The following TMC5 variants were observed in gnomAD, a reference collection of about 807,000 sequenced individuals.
TMC5 encodes transmembrane channel-like protein 5.
TMC5 carries 86 observed loss-of-function variants against 110.5 expected under a neutral mutation model. That is an observed-to-expected ratio of 0.78 (90% CI 0.65 to 0.93). TMC5 has a LOEUF of 0.93. Among genes scored for constraint, TMC5 ranks in the 40% least tolerant of loss-of-function variants. TMC5 has a pLI of 0.00. For missense variants in TMC5, 1,144 were observed against 1,222.8 expected (o/e 0.94, Z 0.96); for synonymous variants, 455 against 439.5 (o/e 1.04, Z -0.44).
chr16:19,422,621 C>T (rs1329326179), intron 1 of TMC5, among the ~76,000 whole-genome samples: 2 of 152,042 alleles, frequency 1.3e-5, no homozygotes, highest in African/African-American at 4.8e-5. Flanking sequence ...CTCTTGAGCC[C>T]AGGCATTAGA....
intron 5 of TMC5, among the ~76,000 whole-genome samples, chr16:19,453,225 A>G (rs1326768438): frequency 6.6e-6 from 1 of 151,996 alleles, no homozygotes; most frequent in Non-Finnish European, 1.5e-5. Context: ...AGGCTGAGGC[A>G]GGTAGATCAC....
rs62026170 is a variant in TMC5 at position 19,447,140 on chromosome 16, C to A, written c.959-2402C>A. Reference sequence around the variant, plus strand: ...ACAATAAACAAGCATTTTCTTCTTACGGGTCTGCAAGGTTGGTTGGCATTT... The same window carrying A: ...ACAATAAACAAGCATTTTCTTCTTAAGGGTCTGCAAGGTTGGTTGGCATTT... On this transcript the variant is annotated intron_variant, in intron 4 of 21. Coordinates refer to ENST00000542583, the MANE Select transcript of TMC5 (RefSeq NM_001261841.2). Among the ~76,000 whole-genome samples, 6 of 152,126 alleles carry A rather than the reference C, an allele frequency of 3.9e-5. No individual in the cohort carries two copies. The East Asian group carries it at 1.2e-3, about 29-fold the overall frequency.
At chr16:19,485,082 A>T (rs1391702686) in intron 15 of TMC5, among the ~76,000 whole-genome samples, 3 of 147,964 alleles carry the variant, frequency 2.0e-5, no homozygotes, top group Non-Finnish European at 3.0e-5. Context: ...CACCTGTACC[A>T]TTATCTACTT....
intron 15 of TMC5, among the ~76,000 whole-genome samples, chr16:19,484,082 CAAAAA>C (rs758360425): frequency 1.4e-4 from 10 of 70,792 alleles, no homozygotes; most frequent in Non-Finnish European, 2.6e-4. Context: ...AACTCTGTCT[CAAAAA>C]AAAAAAAAAA....
In TMC5 at chr16:19,462,862, C is replaced by T. The variant is rs151156333; in HGVS notation, c.1149-418C>T. ...GCAGTGAGCCGCCATCAGGCCACTG[C>T]ACTCCAGCCTGGGTGACAGAGTGAG... On this transcript the variant is annotated intron_variant, in intron 6 of 21. Coordinates refer to ENST00000542583, the MANE Select transcript of TMC5 (RefSeq NM_001261841.2). Among the ~76,000 whole-genome samples, 919 of 149,428 alleles carry T rather than the reference C, an allele frequency of 6.2e-3. 13 individuals carry two copies. Among genetic ancestry groups the T allele is most frequent in the African/African-American group, 0.022 (878 of 40,480 alleles).
At chr16:19,447,705 T>C (rs7498215) in intron 4 of TMC5, among the ~76,000 whole-genome samples, 91,072 of 151,674 alleles carry the variant, frequency 0.6, 29,078 homozygotes, top group Middle Eastern at 0.71. Context: ...GGCACACTAC[T>C]ACCATGCCCA....
chr16:19,424,758 G>C (rs1207109639), intron 1 of TMC5, among the ~76,000 whole-genome samples: 4 of 152,238 alleles, frequency 2.6e-5, no homozygotes, highest in African/African-American at 9.6e-5. Flanking sequence ...CAGTGAGTTG[G>C]GGTGTGTCAC....
chr16:19,455,011 T>C (rs182023644), intron 5 of TMC5, among the ~76,000 whole-genome samples: 3 of 151,862 alleles, frequency 2.0e-5, no homozygotes, highest in Non-Finnish European at 4.4e-5. Flanking sequence ...GTGGTGCCCC[T>C]GTGGTCCCAG....
intron 4 of TMC5, among the ~76,000 whole-genome samples, chr16:19,448,530 G>A (rs1967670073): frequency 6.6e-6 from 1 of 151,444 alleles, no homozygotes; most frequent in South Asian, 2.1e-4. Flanking sequence ...GAGATGGAAG[G>A]ATTGCTTGAG....
rs373623775 is a variant in TMC5 at position 19,442,861 on chromosome 16, G to A, written c.789-1220G>A. Among the ~76,000 whole-genome samples the A allele has an allele frequency of 5.3e-5, 8 of 152,282 alleles. No individual in the cohort carries two copies. The East Asian group carries it at 1.2e-3, about 22-fold the overall frequency. On this transcript the variant is annotated intron_variant, in intron 3 of 21. Transcript: ENST00000542583. The stretch of plus-strand genomic sequence containing the variant: ...CAAATAGTAGGGTTAACAGGACCAG[G>A]TGAAAATGTCCTCCTTGGTCTTATC...
chr16:19,420,439 A>T (rs1054252659), intron 1 of TMC5, among the ~76,000 whole-genome samples: 20 of 150,790 alleles, frequency 1.3e-4, no homozygotes, highest in East Asian at 2.0e-4. Context: ...AAAAAAAAAT[A>T]AAAAAAATTA....
intron 4 of TMC5, among the ~76,000 whole-genome samples, chr16:19,448,842 G>T (rs554147001): frequency 3.5e-5 from 5 of 143,724 alleles, no homozygotes; most frequent in African/African-American, 1.3e-4. Context: ...TTTATATCAT[G>T]TAGTTTATAT....
chr16:19,434,420 TATA>T (rs1967291701), intron 2 of TMC5, among the ~76,000 whole-genome samples: 2 of 135,386 alleles, frequency 1.5e-5, no homozygotes, highest in East Asian at 4.1e-4. Context: ...TATATCTATA[TATA>T]ATATGTATAT....
chr16:19,495,546 G>T (rs908197807), intron 20 of TMC5, among the ~76,000 whole-genome samples: 1 of 152,132 alleles, frequency 6.6e-6, no homozygotes, highest in African/African-American at 2.4e-5. Context: ...ACTTAAAACA[G>T]TAGGTAATGA....
chr16:19,415,301 G>A (rs72640458), upstream of TMC5, among the ~76,000 whole-genome samples: 1,268 of 152,294 alleles, frequency 8.3e-3, 40 homozygotes, highest in East Asian at 0.11. Context: ...AATGGAGAGC[G>A]AGGAGACACT....
chr16:19,435,335 CA>C (rs35284193), intron 2 of TMC5, among the ~76,000 whole-genome samples: 5,241 of 138,742 alleles, frequency 0.038, 121 homozygotes, highest in African/African-American at 0.06. Flanking sequence ...ACTAAAAATA[CA>C]AAAAAAAAAA....
In TMC5 at chr16:19,498,113, A is replaced by G. The variant is rs1212139264; in HGVS notation, c.*147A>G. On this transcript the variant is annotated 3_prime_UTR_variant, in exon 22 of 22. Coordinates refer to ENST00000542583, the MANE Select transcript of TMC5 (RefSeq NM_001261841.2). ...AGCGGAAACTGACTACCATGTAATT[A>G]TCAAAGTAAAATTGGGCATTCCATG... The G allele has an allele frequency of 2.8e-6, 2 of 722,594 alleles. No homozygotes were observed. The highest frequency in any genetic ancestry group is 3.6e-5 in the African/African-American group (2 of 55,338). The allele number at this position is 722,594 out of a possible 1,614,324, so 44.8% of individuals were successfully genotyped here. A position where few individuals can be genotyped will look rare whatever the true frequency, so the allele number is the denominator to read the frequency against.
upstream of TMC5, among the ~76,000 whole-genome samples, chr16:19,413,511 C>A (rs919393517): frequency 5.3e-5 from 6 of 113,760 alleles, no homozygotes; most frequent in Admixed American, 7.2e-4. Flanking sequence ...GCGACATTGC[C>A]AAACCCTGCC....
At chr16:19,456,684 A>G in intron 5 of TMC5, 1 of 1,591,956 alleles carries the variant, frequency 6.3e-7, no homozygotes, top group Non-Finnish European at 8.6e-7. Flanking sequence ...CCAGTGGAGA[A>G]GAAGGCTTGC....
Sources: gnomAD v4.1 joint callset for allele counts (sites outside exome capture counted in the v4.1 genomes callset) on GRCh38, gnomAD v4.1.1 for gene constraint, MANE v1.5 for transcripts, NCBI Gene and HGNC (gene_info 2026-07-23, HGNC 2026-07-21) for gene names.